Variants in EMILIN2 observed in about 807,000 individuals in gnomAD.
EMILIN2 encodes the protein elastin microfibril interfacer 2, also known as EMILIN-2.
In EMILIN2, 71 loss-of-function variants were observed where a neutral mutation model predicts 87.1. The ratio of observed to expected loss-of-function variants is 0.82; its 90% CI spans 0.67 to 0.99. EMILIN2 has a LOEUF of 0.99. Ranked by LOEUF, EMILIN2 falls within the 50% of genes least tolerant of loss-of-function variation. The probability of loss-of-function intolerance (pLI) is 0.00; values close to 1 mark genes in which losing one functional copy is unlikely to be tolerated. For synonymous variants in EMILIN2, 581 were observed against 563.4 expected (o/e 1.03, Z -0.44); for missense variants, 1,407 against 1,371.8 (o/e 1.03, Z -0.40).
rs769170051 is a variant in EMILIN2, at chr18:2,847,760, T to G, written c.135-49T>G. The G allele has an allele frequency of 6.9e-6, 11 of 1,600,626 alleles. No individual in the cohort carries two copies. The South Asian group carries it at 7.8e-5, about 11-fold the overall frequency. The stretch of plus-strand genomic sequence containing the variant: ...AGTCCCCTCTCCCCTGGCCTCATTG[T>G]TCTCCGGGTTTACCCCGTGCCCCTC... On this transcript the variant is annotated intron_variant, in intron 1 of 7. Coordinates refer to ENST00000254528, the MANE Select transcript of EMILIN2 (RefSeq NM_032048.3). The surrounding 1 kb of genome is among the most constrained non-coding windows in gnomAD (Gnocchi z 4.5).
intron 2 of EMILIN2, among the ~76,000 whole-genome samples, chr18:2,850,037 A>G (rs2076594427): frequency 1.3e-5 from 2 of 149,390 alleles, no homozygotes; most frequent in Non-Finnish European, 3.0e-5. Context: ...AGCAACTCTC[A>G]TTCCTCAGCC....
intron 3 of EMILIN2, among the ~76,000 whole-genome samples, chr18:2,886,789 T>C (rs949720694): frequency 6.6e-6 from 1 of 152,236 alleles, no homozygotes; most frequent in Non-Finnish European, 1.5e-5. Flanking sequence ...TTTTCTCTCT[T>C]TTTATTGCTA....
intron 2 of EMILIN2, among the ~76,000 whole-genome samples, chr18:2,883,086 A>C (rs1005167255): frequency 6.6e-6 from 1 of 152,110 alleles, no homozygotes; most frequent in African/African-American, 2.4e-5. Context: ...GGGACAGTGG[A>C]AGGTGCTAGG....
Position 2,914,621 on chromosome 18 carries a change from C to CCT in EMILIN2, c.*1218_*1219dup, listed in dbSNP as rs1301140431. ...GTCTCTGTGGATCAGGTTGGTAACA[C>CCT]CTACTGGTTAATCAAGTCCCACTGG... On this transcript the variant is annotated 3_prime_UTR_variant, in exon 8 of 8. Coordinates refer to ENST00000254528, the MANE Select transcript of EMILIN2 (RefSeq NM_032048.3). 6.6e-6 allele frequency: 1 copy of CCT among 152,158 alleles called. No individual in the cohort carries two copies. Among genetic ancestry groups the CCT allele is most frequent in the African/African-American group, 2.4e-5 (1 of 41,438 alleles). 9.4% of individuals were successfully genotyped at this position (152,158 alleles called of 1,614,324 possible).
chr18:2,864,712 A>T (rs375606631), intron 2 of EMILIN2, among the ~76,000 whole-genome samples: 1 of 152,006 alleles, frequency 6.6e-6, no homozygotes, highest in South Asian at 2.1e-4. Context: ...TGCTCTTCTC[A>T]AGGAGTCTCT....
chr18:2,882,530 A>G (rs1375102135), intron 2 of EMILIN2, among the ~76,000 whole-genome samples: 1 of 152,102 alleles, frequency 6.6e-6, no homozygotes. Context: ...GGATCACTTG[A>G]GGCCATGGGC....
intron 3 of EMILIN2, among the ~76,000 whole-genome samples, chr18:2,886,085 C>G (rs2076802098): frequency 6.6e-6 from 1 of 152,136 alleles, no homozygotes; most frequent in African/African-American, 2.4e-5. Context: ...GTTATAGAAC[C>G]TTACTCTCTT....
chr18:2,899,468 C>T (rs2144054338), intron 4 of EMILIN2, among the ~76,000 whole-genome samples: 1 of 152,294 alleles, frequency 6.6e-6, no homozygotes, highest in Admixed American at 6.5e-5. Context: ...CTATGCGCTT[C>T]CATATAAATT....
chr18:2,891,489 T>C lies in EMILIN2; in HGVS notation c.1362T>C (p.Asp454=), dbSNP rs2144039099. ...VDFDAKWNEL[D]ARINVTEKNA... ...TTGATGCAAAATGGAATGAACTCGA[T>C]GCAAGGATCAATGTGACGGAGAAGA... The change falls in exon 4 of 8, where the codon GAT becomes GAC. Residue 454 remains aspartate (D), a synonymous_variant. Transcript: ENST00000254528. The surrounding 1 kb of genome is among the most constrained non-coding windows in gnomAD (Gnocchi z 4.6). 1.2e-6 allele frequency: 2 copies of C among 1,614,216 alleles called. No individual in the cohort carries two copies.
chr18:2,874,487 A>G (rs1261289046), intron 2 of EMILIN2, among the ~76,000 whole-genome samples: 2 of 152,170 alleles, frequency 1.3e-5, no homozygotes, highest in African/African-American at 4.8e-5. Context: ...CTCGCTAAGC[A>G]GCCCCCTCCC....
chr18:2,908,798 CAGTG>C, intron 5 of EMILIN2, 141 bp from the exon 6 acceptor site: 1 of 904,422 alleles, frequency 1.1e-6, no homozygotes, highest in African/African-American at 1.6e-5. Context: ...AGGGCAGTGA[CAGTG>C]GGTGCCCTTG....
chr18:2,873,121 C>T (rs9962679), intron 2 of EMILIN2, among the ~76,000 whole-genome samples: 28,162 of 151,668 alleles, frequency 0.19, 4,361 homozygotes, highest in African/African-American at 0.43. Context: ...TTAACACTTA[C>T]AGGCCGGGGC....
chr18:2,882,475 G>A (rs763079169), intron 2 of EMILIN2, among the ~76,000 whole-genome samples: 3 of 152,198 alleles, frequency 2.0e-5, no homozygotes, highest in South Asian at 2.1e-4. Context: ...CAAACAGGCC[G>A]GGTGTGGTGG....
chr18:2,880,064 A>G lies in EMILIN2; in HGVS notation c.258-4900A>G, dbSNP rs1598494321. On this transcript the variant is annotated intron_variant, in intron 2 of 7. Coordinates refer to ENST00000254528, the MANE Select transcript of EMILIN2 (RefSeq NM_032048.3). This position sits in a 1 kb window ranked among gnomAD's most constrained non-coding sequence, Gnocchi z 4.1. ...AGTGAACAAAACCAACAGGAATTCT[A>G]TCCTCATGGGGCTTACAGTCTGGCA... Among the ~76,000 whole-genome samples the G allele has an allele frequency of 6.6e-6, 1 of 152,310 alleles. No homozygotes were observed. The highest frequency in any genetic ancestry group is 1.9e-4 in the East Asian group (1 of 5,182).
upstream of EMILIN2, among the ~76,000 whole-genome samples, chr18:2,846,375 G>T (rs951284750): frequency 6.6e-6 from 1 of 152,244 alleles, no homozygotes; most frequent in Non-Finnish European, 1.5e-5. The surrounding 1 kb of genome is among the most constrained non-coding windows in gnomAD (Gnocchi z 5.3). Context: ...GAGGAGAATT[G>T]CAGTAAGTGA....
chr18:2,846,703 G>T (rs2076575287), upstream of EMILIN2: 6 of 976,642 alleles, frequency 6.1e-6, no homozygotes, highest in Non-Finnish European at 6.1e-6. The surrounding 1 kb of genome is among the most constrained non-coding windows in gnomAD (Gnocchi z 5.3). Context: ...ACTCGCCGAC[G>T]GCGGCCGCGT....
At chr18:2,889,513 T>G (rs1439383667) in intron 3 of EMILIN2, among the ~76,000 whole-genome samples, 4 of 152,028 alleles carry the variant, frequency 2.6e-5, no homozygotes, top group Admixed American at 6.6e-5. Flanking sequence ...GTTTCAATAG[T>G]CTCCTTTTTA....
At position 2,847,944 on chromosome 18, in the gene EMILIN2, G is replaced by A; in HGVS notation, c.257+13G>A. ...CGTCGGCGCTGGTGTAAGTCCTGGA[G>A]CCGGGGAGCGGGCGGGGCGCGCCCG... is the stretch of plus-strand genomic sequence containing the variant. On this transcript the variant is annotated intron_variant, in intron 2 of 7. Coordinates refer to ENST00000254528, the MANE Select transcript of EMILIN2 (RefSeq NM_032048.3). This position sits in a 1 kb window ranked among gnomAD's most constrained non-coding sequence, Gnocchi z 4.5. 1 of 1,604,494 alleles carries A rather than the reference G, an allele frequency of 6.2e-7. No homozygotes were observed. The highest frequency in any genetic ancestry group is 8.5e-7 in the Non-Finnish European group (1 of 1,177,618).
In EMILIN2 at chr18:2,848,109, A is replaced by G. The variant is rs1203249907; in HGVS notation, c.257+178A>G. ...GGGCACCGGCCACGCTGGGCTATTTAGGGAGTGGGTGCTGCCCGAGTGAGT... is the reference window on the plus strand; with the variant it reads ...GGGCACCGGCCACGCTGGGCTATTTGGGGAGTGGGTGCTGCCCGAGTGAGT... On this transcript the variant is annotated intron_variant, in intron 2 of 7. Transcript: ENST00000254528. This position sits in a 1 kb window ranked among gnomAD's most constrained non-coding sequence, Gnocchi z 4.1. Among the ~76,000 whole-genome samples the G allele has an allele frequency of 1.3e-5, 2 of 152,156 alleles. No individual in the cohort carries two copies. Among genetic ancestry groups the G allele is most frequent in the African/African-American group, 4.8e-5 (2 of 41,444 alleles).
Sources: gnomAD v4.1 joint callset for allele counts (sites outside exome capture counted in the v4.1 genomes callset) on GRCh38, gnomAD v4.1.1 for gene constraint, Gnocchi (gnomAD v3.1) non-coding constraint, MANE v1.5 for transcripts, NCBI Gene and HGNC (gene_info 2026-07-23, HGNC 2026-07-21) for gene names.